Variants in GAPVD1 observed in about 807,000 individuals in gnomAD.
GAPVD1 encodes GTPase activating protein and VPS9 domains 1, also known as GTPase-activating protein and VPS9 domain-containing protein 1.
Under a neutral mutation model 155.5 loss-of-function variants are expected in GAPVD1, and 35 were observed. The ratio of observed to expected loss-of-function variants is 0.23; its 90% confidence interval spans 0.17 to 0.30. GAPVD1 has a LOEUF of 0.30. GAPVD1 is among the 10% of genes least tolerant of loss of function. The pLI is 1.00. For synonymous variants in GAPVD1, 636 were observed against 619.7 expected, an observed-to-expected ratio of 1.03 and a Z score of -0.39; for missense variants, 1,429 against 1,775.7, an observed-to-expected ratio of 0.80 and a Z score of 3.51.
chr9:125,320,400 C>T (rs1015346900), intron 9 of GAPVD1, among the ~76,000 whole-genome samples: 1 of 152,132 alleles, frequency 6.6e-6, no homozygotes, highest in Non-Finnish European at 1.5e-5. Context: ...TCAGTCTAAG[C>T]TGGAGATGTC....
intron 19 of GAPVD1, among the ~76,000 whole-genome samples, chr9:125,343,584 T>A (rs1293966950): frequency 6.6e-6 from 1 of 152,186 alleles, no homozygotes; most frequent in East Asian, 1.9e-4. Context: ...TTCCCCAGAA[T>A]AAAGGGTTTT....
intron 2 of GAPVD1, among the ~76,000 whole-genome samples, chr9:125,289,030 C>G (rs1203016678): frequency 6.6e-6 from 1 of 152,104 alleles, no homozygotes; most frequent in African/African-American, 2.4e-5. Context: ...GTGTGTCTGG[C>G]ACGTCTGACA....
At chr9:125,296,397 C>G (rs1273764724) in intron 3 of GAPVD1, among the ~76,000 whole-genome samples, 4 of 142,072 alleles carry the variant, frequency 2.8e-5, no homozygotes, top group African/African-American at 1.1e-4. Context: ...ACTCTGTCAC[C>G]AGACTGGAGT....
intron 3 of GAPVD1, among the ~76,000 whole-genome samples, chr9:125,296,840 AG>A (rs1381817155): frequency 3.4e-5 from 5 of 147,706 alleles, no homozygotes; most frequent in African/African-American, 1.3e-4. Context: ...TTGTATTTTT[AG>A]TAGAGACAGG....
intron 25 of GAPVD1, among the ~76,000 whole-genome samples, chr9:125,356,066 A>G (rs902396223): frequency 6.6e-6 from 1 of 152,212 alleles, no homozygotes; most frequent in African/African-American, 2.4e-5. Flanking sequence ...AGGAGTAGAA[A>G]TTGGTATAGC....
chr9:125,335,376 C>CTT (rs956190248), intron 15 of GAPVD1: 58 of 403,510 alleles, frequency 1.4e-4, no homozygotes, highest in Middle Eastern at 1.4e-3. Flanking sequence ...AAAATTTTTT[C>CTT]TTTTTTTTTT....
rs1431817469 is a variant in GAPVD1 at position 125,342,306 on chromosome 9, A to T, written c.3046+7A>T. On this transcript the variant is annotated splice_region_variant and intron_variant, in intron 19 of 27. Transcript: ENST00000297933. ...AGATTCTCAACACTCACAGGTTTGT[A>T]GACCCATGGACTTCCTGGCTCCTTC... The T allele has an allele frequency of 6.7e-7, 1 of 1,497,854 alleles. No individual in the cohort carries two copies. The highest frequency in any genetic ancestry group is 1.1e-5 in the South Asian group (1 of 88,638). 92.8% of individuals were successfully genotyped at this position (1,497,854 alleles called of 1,614,324 possible).
chr9:125,336,365 G>C (rs527920327), intron 15 of GAPVD1, among the ~76,000 whole-genome samples: 72 of 150,448 alleles, frequency 4.8e-4, no homozygotes, highest in African/African-American at 1.5e-3. Context: ...TTTTATGTTT[G>C]AAATTTCCAT....
intron 1 of GAPVD1, among the ~76,000 whole-genome samples, chr9:125,262,888 A>G (rs1257299834): frequency 6.6e-6 from 1 of 152,226 alleles, no homozygotes; most frequent in Non-Finnish European, 1.5e-5. Flanking sequence ...CTTTGTGATC[A>G]ATAAAAATTA....
intron 12 of GAPVD1, among the ~76,000 whole-genome samples, chr9:125,328,156 G>A (rs962982720): frequency 1.1e-4 from 16 of 140,496 alleles, no homozygotes; most frequent in African/African-American, 3.4e-4. Context: ...TAATACTTTC[G>A]ATTTGTATTT....
At chr9:125,274,807 TA>T (rs1235540973) in intron 2 of GAPVD1, among the ~76,000 whole-genome samples, 1 of 152,098 alleles carries the variant, frequency 6.6e-6, no homozygotes, top group Admixed American at 6.6e-5. Context: ...CCTGTGAACA[TA>T]CCCTATGAAG....
intron 23 of GAPVD1, among the ~76,000 whole-genome samples, chr9:125,352,717 A>G (rs1408163497): frequency 6.6e-6 from 1 of 152,224 alleles, no homozygotes; most frequent in Non-Finnish European, 1.5e-5. Context: ...AAATTTCTAT[A>G]GCCAGCGTGA....
Position 125,350,323 on chromosome 9 carries a change from C to G in GAPVD1, c.3328C>G (p.Leu1110Val). ...RDAKKKLRLA[L>V]CSADSVAFPV... is the part of the protein sequence containing the mutation. ...TGCAAAAAAGAAACTGAGGCTTGCT[C>G]TTTGCTCTGCGGACTCTGTTGCCTT... Residue 1110 changes from leucine to valine, a missense_variant, in exon 22 of 28, where the codon CTT (leucine) becomes GTT (valine). This residue lies in a region of GAPVD1 where 699 missense variants were observed against 826.0 expected (regional missense o/e 0.85). Coordinates refer to ENST00000297933, the MANE Select transcript of GAPVD1 (RefSeq NM_001282680.3). The G allele has an allele frequency of 6.3e-7, 1 of 1,589,256 alleles. No individual in the cohort carries two copies. Among genetic ancestry groups the G allele is most frequent in the Non-Finnish European group, 8.5e-7 (1 of 1,173,832 alleles).
At chr9:125,296,835 T>A (rs529839826) in intron 3 of GAPVD1, among the ~76,000 whole-genome samples, 1 of 151,784 alleles carries the variant, frequency 6.6e-6, no homozygotes. Flanking sequence ...AATTTTTGTA[T>A]TTTTAGTAGA....
intron 9 of GAPVD1, among the ~76,000 whole-genome samples, chr9:125,313,067 G>A (rs1197785113): frequency 6.6e-6 from 1 of 152,128 alleles, no homozygotes; most frequent in Non-Finnish European, 1.5e-5. Context: ...TGATCCGCCT[G>A]CCTTTGCCTC....
In GAPVD1 at chr9:125,337,018, G is replaced by A. The variant is rs775195802; in HGVS notation, c.2429G>A (p.Gly810Asp). The change falls in exon 16 of 28, where the codon GGT (glycine) becomes GAT (aspartate). Residue 810 changes from glycine (G) to aspartate (D), a missense_variant and splice_region_variant. Physicochemically the swap from Gly to Asp is moderately conservative, Grantham distance 94 (BLOSUM62 -1). Transcript: ENST00000297933. ...TCTCACAGTTTCCCTCCTGTTTTAG[G>A]TGCCCACCAGCTGACCTCTCCTCCT... ...TSPDMDEITH[G>D]AHQLTSPPSQ... 1.2e-5 allele frequency: 20 copies of A among 1,601,434 alleles called. No individual in the cohort carries two copies. The Admixed American group carries it at 2.8e-4, about 23-fold the overall frequency.
At chr9:125,288,678 A>G (rs1431473902) in intron 2 of GAPVD1, among the ~76,000 whole-genome samples, 1 of 152,138 alleles carries the variant, frequency 6.6e-6, no homozygotes, top group Non-Finnish European at 1.5e-5. Flanking sequence ...GGCCCGGCCC[A>G]TTCTTACATT....
intron 15 of GAPVD1, among the ~76,000 whole-genome samples, chr9:125,334,728 C>T (rs1312145747): frequency 2.6e-5 from 4 of 151,260 alleles, no homozygotes; most frequent in African/African-American, 7.3e-5. Context: ...GGTGAGACCT[C>T]GTCTCTACAA....
intron 1 of GAPVD1, among the ~76,000 whole-genome samples, chr9:125,264,657 A>G (rs1419615481): frequency 1.3e-5 from 2 of 152,078 alleles, no homozygotes; most frequent in African/African-American, 4.8e-5. Flanking sequence ...TGTAAGCTCT[A>G]ATGTAAGCCT....
Sources: allele counts gnomAD v4.1 joint callset (sites outside exome capture counted in the v4.1 genomes callset), GRCh38; gene constraint gnomAD v4.1.1; regional missense constraint gnomAD v4.1.1; transcripts MANE v1.5; gene names NCBI Gene and HGNC (gene_info 2026-07-23, HGNC 2026-07-21).